Variants in PPP1R1C observed in about 807,000 individuals in gnomAD.
PPP1R1C encodes protein phosphatase 1 regulatory subunit 1C.
Under a neutral mutation model 17.4 loss-of-function variants are expected in PPP1R1C, and 15 were observed. The ratio of observed to expected loss-of-function variants is 0.86; its 90% CI spans 0.58 to 1.33. PPP1R1C has a LOEUF of 1.33. PPP1R1C is among the 40% of genes most tolerant of loss of function. PPP1R1C has a pLI of 0.00. For synonymous variants in PPP1R1C, 35 were observed against 43.1 expected, an observed-to-expected ratio of 0.81 and a Z score of 0.73; for missense variants, 143 against 130.0, an observed-to-expected ratio of 1.10 and a Z score of -0.48.
chr2:182,124,327 G>GTTTTTTTTTTTTTTT (rs1294464668), intron 5 of PPP1R1C, among the ~76,000 whole-genome samples: 11 of 83,006 alleles, frequency 1.3e-4, no homozygotes, highest in East Asian at 3.4e-4. Context: ...TTTTTTTTTT[G>GTTTTTTTTTTTTTTT]TTTTTTTTTT....
intron 2 of PPP1R1C, among the ~76,000 whole-genome samples, chr2:181,978,812 C>G (rs960862747): frequency 4.6e-5 from 7 of 151,962 alleles, no homozygotes; most frequent in Admixed American, 3.9e-4. Flanking sequence ...TAGTAAGGGC[C>G]ATTTCAGAAA....
At chr2:182,111,746 CTA>C (rs1172109054) in intron 4 of PPP1R1C, among the ~76,000 whole-genome samples, 1 of 151,356 alleles carries the variant, frequency 6.6e-6, no homozygotes, top group Admixed American at 6.6e-5. Flanking sequence ...ATATATATAA[CTA>C]TACATACAAT....
At chr2:181,966,733 C>T (rs1488416425) in intron 1 of PPP1R1C, among the ~76,000 whole-genome samples, 1 of 152,056 alleles carries the variant, frequency 6.6e-6, no homozygotes, top group Non-Finnish European at 1.5e-5. Flanking sequence ...AGGGTTTTTG[C>T]ATCGATATTC....
intron 2 of PPP1R1C, among the ~76,000 whole-genome samples, chr2:181,979,669 G>A (rs1022713334): frequency 6.6e-6 from 1 of 152,140 alleles, no homozygotes; most frequent in Non-Finnish European, 1.5e-5. Flanking sequence ...GGCATGCAAT[G>A]TTGTCATTTC....
intron 2 of PPP1R1C, among the ~76,000 whole-genome samples, chr2:182,051,724 G>A (rs1481944190): frequency 1.3e-5 from 2 of 152,124 alleles, no homozygotes; most frequent in African/African-American, 2.4e-5. Flanking sequence ...TTGACATAAT[G>A]ACCTCTCTAT....
chr2:182,040,870 G>T (rs1687161499), intron 2 of PPP1R1C, among the ~76,000 whole-genome samples: 1 of 152,056 alleles, frequency 6.6e-6, no homozygotes, highest in Non-Finnish European at 1.5e-5. Context: ...TCTACATGTG[G>T]CTTGCCAGTT....
At chr2:182,008,374 G>A (rs151080765) in intron 2 of PPP1R1C, among the ~76,000 whole-genome samples, 1 of 152,020 alleles carries the variant, frequency 6.6e-6, no homozygotes, top group East Asian at 1.9e-4. Flanking sequence ...ACAGAAAATG[G>A]ACTTCTCTGA....
At chr2:182,123,251 A>G (rs1342386159) in intron 5 of PPP1R1C, among the ~76,000 whole-genome samples, 2 of 152,226 alleles carry the variant, frequency 1.3e-5, no homozygotes, top group East Asian at 1.9e-4. Context: ...CCAGTCAATC[A>G]TTGATGGACA....
chr2:182,125,368 G>A (rs190108389), intron 5 of PPP1R1C, among the ~76,000 whole-genome samples: 1 of 152,074 alleles, frequency 6.6e-6, no homozygotes, highest in East Asian at 1.9e-4. Context: ...TTCTTTTTTT[G>A]TTGTGTCTCT....
upstream of PPP1R1C, among the ~76,000 whole-genome samples, chr2:181,983,798 G>A (rs1685238029): frequency 6.6e-6 from 1 of 152,146 alleles, no homozygotes; most frequent in African/African-American, 2.4e-5. Flanking sequence ...AGAATACAGA[G>A]AGGTGAGTTT....
At chr2:182,045,076 C>A (rs1316360927) in intron 2 of PPP1R1C, among the ~76,000 whole-genome samples, 1 of 152,158 alleles carries the variant, frequency 6.6e-6, no homozygotes, top group Non-Finnish European at 1.5e-5. Flanking sequence ...CACAGTTCTT[C>A]CATATAGCTA....
intron 4 of PPP1R1C, among the ~76,000 whole-genome samples, chr2:182,079,017 G>A (rs894221992): frequency 6.6e-5 from 10 of 152,186 alleles, no homozygotes; most frequent in African/African-American, 2.2e-4. Context: ...CTTTTCCATA[G>A]TTACACAATC....
chr2:181,972,107 C>T (rs1685021094), intron 1 of PPP1R1C, among the ~76,000 whole-genome samples: 1 of 152,092 alleles, frequency 6.6e-6, no homozygotes, highest in Non-Finnish European at 1.5e-5. Context: ...GTGTTTCTGC[C>T]AAGGGGACAA....
chr2:182,079,763 G>A lies in PPP1R1C; in HGVS notation c.241+15972G>A, dbSNP rs142691470. Among the ~76,000 whole-genome samples, 1,198 of 152,266 alleles carry A rather than the reference G, an allele frequency of 7.9e-3. 21 individuals carry two copies. The highest frequency in any genetic ancestry group is 0.027 in the African/African-American group (1,122 of 41,540). Reference sequence around the variant, plus strand: ...CCATGCTCCCACTGAAGGCTGTAGGGAAGATTCCTTCCTTGCCTCTTCCAG... The same window carrying A: ...CCATGCTCCCACTGAAGGCTGTAGGAAAGATTCCTTCCTTGCCTCTTCCAG... On this transcript the variant is annotated intron_variant, in intron 4 of 4. Coordinates refer to ENST00000682840, the MANE Select transcript of PPP1R1C (RefSeq NM_001080545.3).
Position 182,042,314 on chromosome 2 carries a change from A to G in PPP1R1C, c.143-19128A>G, listed in dbSNP as rs1196138. 5.1e-3 allele frequency among the ~76,000 whole-genome samples: 781 copies of G among 152,368 alleles called. 6 individuals are homozygous for G. Among genetic ancestry groups the G allele is most frequent in the African/African-American group, 0.018 (743 of 41,582 alleles). ...AAATGAGTGACTTAAAGTCTCTGGA[A>G]TGCAGAGACTAGAAAAGGATTTGGA... On this transcript the variant is annotated intron_variant, in intron 2 of 4. Transcript: ENST00000682840.
At chr2:182,034,292 G>T (rs549558758) in intron 2 of PPP1R1C, among the ~76,000 whole-genome samples, 177 of 152,140 alleles carry the variant, frequency 1.2e-3, no homozygotes, top group African/African-American at 4.1e-3. Flanking sequence ...GGATTAAAAG[G>T]TGGCATCAGA....
intron 2 of PPP1R1C, among the ~76,000 whole-genome samples, chr2:182,003,792 C>A (rs1337686052): frequency 6.6e-6 from 1 of 152,044 alleles, no homozygotes; most frequent in Non-Finnish European, 1.5e-5. Context: ...TCAATAGCCT[C>A]CCAAGCTCCC....
At chr2:182,086,808 C>G (rs1688641317) in intron 4 of PPP1R1C, among the ~76,000 whole-genome samples, 1 of 152,080 alleles carries the variant, frequency 6.6e-6, no homozygotes, top group African/African-American at 2.4e-5. Context: ...AACACAGTAA[C>G]TGTCTGTGTA....
chr2:182,062,265 A>G (rs1687872318), intron 3 of PPP1R1C, among the ~76,000 whole-genome samples: 1 of 152,136 alleles, frequency 6.6e-6, no homozygotes, highest in South Asian at 2.1e-4. Flanking sequence ...TGAAACAGTA[A>G]AAGTGGAAAA....
Sources: allele counts gnomAD v4.1 joint callset (sites outside exome capture counted in the v4.1 genomes callset), GRCh38; gene constraint gnomAD v4.1.1; transcripts MANE v1.5; gene names NCBI Gene and HGNC (gene_info 2026-07-23, HGNC 2026-07-21).